RNLS: variants seen among roughly 807,000 people sequenced by gnomAD.
RNLS encodes the protein renalase.
Under a neutral mutation model 39.8 loss-of-function variants are expected in RNLS, and 39 were observed. The observed-to-expected ratio is 0.98, with a 90% confidence interval of 0.76 to 1.28. The LOEUF is 1.28. Ranked by LOEUF, RNLS falls within the 50% of genes most tolerant of loss-of-function variation. The pLI, the probability that RNLS is intolerant of heterozygous loss-of-function variation, is 0.00. For missense variants in RNLS, 410 were observed against 413.3 expected (o/e 0.99, Z 0.07); for synonymous variants, 147 against 150.7 (o/e 0.98, Z 0.18).
intron 4 of RNLS, among the ~76,000 whole-genome samples, chr10:88,492,421 C>CTTTT (rs35806120): frequency 7.6e-6 from 1 of 131,974 alleles, no homozygotes; most frequent in African/African-American, 2.9e-5. Context: ...TTTTCTTTTT[C>CTTTT]TTTTTTTTTT....
At chr10:88,222,596 CT>C in the RNLS span, among the ~76,000 whole-genome samples, 3 of 151,986 alleles carry the variant, frequency 2.0e-5, no homozygotes, top group Non-Finnish European at 4.4e-5. Flanking sequence ...CGGAATATTG[CT>C]TTTTTTATTA....
At chr10:88,469,674 CTTTCTTTTTTCTTTTCTG>C (rs1405476647) in intron 4 of RNLS, among the ~76,000 whole-genome samples, 4 of 152,036 alleles carry the variant, frequency 2.6e-5, no homozygotes, top group Admixed American at 6.6e-5. Flanking sequence ...ACATCAAAAC[CTTTCTTTTTTCTTTTCTG>C]TTTCTTTTTT....
downstream of RNLS, among the ~76,000 whole-genome samples, chr10:88,270,626 T>G (rs1842623090): frequency 6.6e-6 from 1 of 152,190 alleles, no homozygotes; most frequent in African/African-American, 2.4e-5. Flanking sequence ...TCAATACTTG[T>G]CCAATAGTAA....
chr10:88,306,515 G>A (rs1844929209), intron 6 of RNLS, among the ~76,000 whole-genome samples: 1 of 152,124 alleles, frequency 6.6e-6, no homozygotes, highest in South Asian at 2.1e-4. Flanking sequence ...TGACCCTACA[G>A]AAATACAAAC....
At chr10:88,428,204 G>A (rs72820030) in intron 4 of RNLS, among the ~76,000 whole-genome samples, 25,679 of 151,894 alleles carry the variant, frequency 0.17, 2,515 homozygotes, top group South Asian at 0.3. Flanking sequence ...ATGAAGATGT[G>A]CAAGTGTAAC....
chr10:88,555,429 C>T (rs746386086), intron 4 of RNLS, among the ~76,000 whole-genome samples: 11 of 151,892 alleles, frequency 7.2e-5, no homozygotes, highest in Middle Eastern at 6.8e-3. Flanking sequence ...TGCCTTGGTG[C>T]CTTCCCTATG....
At chr10:88,251,407 C>T in the RNLS span, among the ~76,000 whole-genome samples, 1 of 152,202 alleles carries the variant, frequency 6.6e-6, no homozygotes. Flanking sequence ...ATTTCTTTAT[C>T]TGTAAAATGA....
At chr10:88,424,325 T>C (rs1338079202) in intron 4 of RNLS, among the ~76,000 whole-genome samples, 1 of 152,134 alleles carries the variant, frequency 6.6e-6, no homozygotes, top group East Asian at 1.9e-4. Flanking sequence ...TCTGGAAGAC[T>C]GGATGAAGCA....
chr10:88,370,635 C>T (rs1339628209), intron 4 of RNLS, among the ~76,000 whole-genome samples: 2 of 152,166 alleles, frequency 1.3e-5, no homozygotes, highest in Admixed American at 1.3e-4. Context: ...ACGAATTCAA[C>T]TCCTTAGATT....
chr10:88,305,691 T>C (rs1013317011), intron 6 of RNLS, among the ~76,000 whole-genome samples: 1 of 152,164 alleles, frequency 6.6e-6, no homozygotes, highest in African/African-American at 2.4e-5. Flanking sequence ...AGTTCTTAGA[T>C]ACTTTCAAAT....
intron 4 of RNLS, among the ~76,000 whole-genome samples, chr10:88,392,952 T>A (rs531780689): frequency 1.3e-5 from 2 of 152,276 alleles, no homozygotes; most frequent in East Asian, 3.9e-4. Flanking sequence ...ATTATCTCAA[T>A]AGATGCAGAA....
Position 88,573,069 on chromosome 10 carries a change from A to G in RNLS, c.368-8T>C, listed in dbSNP as rs1849952178. On this transcript the variant is annotated splice_region_variant and splice_polypyrimidine_tract_variant and intron_variant, in intron 3 of 6. Coordinates refer to ENST00000331772, the MANE Select transcript of RNLS (RefSeq NM_001031709.3). ...TGAAGTAGACTTCTGCACCTGTTCC[A>G]AAAGCAAAATCATGTCCCCATTATC... The G allele has an allele frequency of 3.1e-6, 5 of 1,611,966 alleles. No homozygotes were observed. The highest frequency in any genetic ancestry group is 4.2e-6 in the Non-Finnish European group (5 of 1,178,594).
At chr10:88,227,200 G>C in the RNLS span, among the ~76,000 whole-genome samples, 1 of 152,152 alleles carries the variant, frequency 6.6e-6, no homozygotes, top group Non-Finnish European at 1.5e-5. Context: ...CAAAGAAAGA[G>C]TCTTGGAGAA....
chr10:88,496,658 G>A (rs1241400215), intron 4 of RNLS, among the ~76,000 whole-genome samples: 1 of 152,128 alleles, frequency 6.6e-6, no homozygotes, highest in Non-Finnish European at 1.5e-5. Flanking sequence ...ACATGCAACA[G>A]ACAACACACA....
the RNLS span, among the ~76,000 whole-genome samples, chr10:88,254,144 G>A: frequency 6.6e-6 from 1 of 152,126 alleles, no homozygotes; most frequent in African/African-American, 2.4e-5. Context: ...GTAGTTTGAA[G>A]GCAGCTTTTG....
At chr10:88,536,492 T>C (rs965047394) in intron 4 of RNLS, among the ~76,000 whole-genome samples, 1 of 152,180 alleles carries the variant, frequency 6.6e-6, no homozygotes, top group Non-Finnish European at 1.5e-5. Flanking sequence ...ACTTTGATTA[T>C]TTAAATCCTT....
chr10:88,423,079 G>T (rs571192707), intron 4 of RNLS, among the ~76,000 whole-genome samples: 1 of 152,080 alleles, frequency 6.6e-6, no homozygotes, highest in Non-Finnish European at 1.5e-5. Flanking sequence ...AACACTTTTC[G>T]AAATGCAACA....
At chr10:88,420,924 T>C (rs1277576446) in intron 4 of RNLS, among the ~76,000 whole-genome samples, 1 of 152,254 alleles carries the variant, frequency 6.6e-6, no homozygotes, top group Non-Finnish European at 1.5e-5. Context: ...TCTATACCTA[T>C]AACCCTAAAA....
the RNLS span, among the ~76,000 whole-genome samples, chr10:88,175,091 A>T: frequency 6.6e-6 from 1 of 152,076 alleles, no homozygotes; most frequent in African/African-American, 2.4e-5. Context: ...TTTCTGTGGT[A>T]TCAGTTGTAA....
Sources: allele counts gnomAD v4.1 joint callset (sites outside exome capture counted in the v4.1 genomes callset), GRCh38; gene constraint gnomAD v4.1.1; transcripts MANE v1.5; gene names NCBI Gene and HGNC (gene_info 2026-07-23, HGNC 2026-07-21).